The following RAB6B variants were observed in gnomAD, a reference collection of about 807,000 sequenced individuals.
The protein encoded by RAB6B is ras-related protein Rab-6B.
In RAB6B, 7 loss-of-function variants were observed where a neutral mutation model predicts 31.2. The observed-to-expected ratio is 0.22, with a 90% CI of 0.13 to 0.42. The LOEUF (loss-of-function observed/expected upper bound fraction) is 0.42. Among genes scored for constraint, RAB6B ranks in the 10% least tolerant of loss-of-function variants. RAB6B has a pLI of 1.00. For synonymous variants in RAB6B, 105 were observed against 104.9 expected (o/e 1.00, Z -0.01); for missense variants, 149 against 280.6 (o/e 0.53, Z 3.35).
chr3:133,871,196 C>T (rs1428305184), intron 1 of RAB6B, among the ~76,000 whole-genome samples: 1 of 152,246 alleles, frequency 6.6e-6, no homozygotes, highest in Non-Finnish European at 1.5e-5. Flanking sequence ...AGCAGATGCA[C>T]CTCTGGCCTC....
intron 3 of RAB6B, 66 bp downstream of exon 3, chr3:133,841,544 G>A (rs752840870): frequency 9.5e-6 from 15 of 1,580,326 alleles, no homozygotes; most frequent in Non-Finnish European, 1.3e-5. Context: ...GCCCAGCTAA[G>A]GGTCCTAGGG....
chr3:133,840,806 C>T (rs1018962654), intron 4 of RAB6B, among the ~76,000 whole-genome samples: 1 of 152,088 alleles, frequency 6.6e-6, no homozygotes, highest in Non-Finnish European at 1.5e-5. Context: ...GAAGGGTTAC[C>T]AGCCTACTGC....
At chr3:133,872,392 A>G (rs892468075) in intron 1 of RAB6B, among the ~76,000 whole-genome samples, 2 of 152,262 alleles carry the variant, frequency 1.3e-5, no homozygotes, top group African/African-American at 4.8e-5. Context: ...CCTTGGGGTG[A>G]GGCCTGCACC....
chr3:133,833,261 G>A (rs769678695), intron 7 of RAB6B, among the ~76,000 whole-genome samples: 1 of 152,152 alleles, frequency 6.6e-6, no homozygotes, highest in Non-Finnish European at 1.5e-5. Flanking sequence ...GCCGTGGGGT[G>A]CCCTAGTTTA....
intron 2 of RAB6B, among the ~76,000 whole-genome samples, chr3:133,846,089 T>C (rs1935904867): frequency 6.6e-6 from 1 of 151,544 alleles, no homozygotes; most frequent in Admixed American, 6.6e-5. Context: ...GAGAGAAAAA[T>C]GATGGAATAA....
chr3:133,854,381 G>GTC (rs1936045866), intron 2 of RAB6B, among the ~76,000 whole-genome samples: 2 of 152,174 alleles, frequency 1.3e-5, no homozygotes, highest in African/African-American at 4.8e-5. Context: ...GTAAACGCAG[G>GTC]ATATCAACAC....
rs1935832228 is a variant in RAB6B at position 133,841,613 on chromosome 3, G to A, written c.180C>T (p.Arg60=). The part of the protein sequence containing the change: ...FLSKTMYLED[R]TVRLQLWDTA... The stretch of plus-strand genomic sequence containing the variant: ...AGTCCTGATATTAGGTGCTCACCGT[G>A]CGGTCCTCCAAGTACATGGTTTTTG... The change falls in exon 3 of 8, where the codon CGC becomes CGT. Residue 60 remains arginine (R), a synonymous_variant. Coordinates refer to ENST00000285208, the MANE Select transcript of RAB6B (RefSeq NM_016577.4). The A allele has an allele frequency of 1.9e-6, 3 of 1,613,508 alleles. No individual in the cohort carries two copies. Among genetic ancestry groups the A allele is most frequent in the Admixed American group, 1.7e-5 (1 of 59,948 alleles).
chr3:133,870,931 G>A (rs1458603257), intron 1 of RAB6B, among the ~76,000 whole-genome samples: 2 of 152,244 alleles, frequency 1.3e-5, no homozygotes, highest in Admixed American at 6.5e-5. Context: ...GGGTGCACTG[G>A]ATGCTGGCCC....
rs1576414237 is a variant in RAB6B, at chr3:133,895,669, G to A, written c.-203C>T. On this transcript the variant is annotated 5_prime_UTR_variant, in exon 1 of 8. Transcript: ENST00000285208. ...GGCGGCGGAGGAGGAGGAGGAGAGA[G>A]AGGCGGAGGCGGAGGAAGGCTGGGG... is the stretch of plus-strand genomic sequence containing the variant. The A allele has an allele frequency of 5.1e-6, 3 of 594,028 alleles. No individual in the cohort carries two copies. Among genetic ancestry groups the A allele is most frequent in the East Asian group, 6.0e-5 (2 of 33,474 alleles). The allele number at this position is 594,028 out of a possible 1,614,324, so 36.8% of individuals were successfully genotyped here. A position where few individuals can be genotyped will look rare whatever the true frequency, so the allele number is the denominator to read the frequency against.
intron 2 of RAB6B, among the ~76,000 whole-genome samples, chr3:133,852,428 T>C (rs1353079562): frequency 6.6e-6 from 1 of 152,104 alleles, no homozygotes; most frequent in Non-Finnish European, 1.5e-5. Context: ...CCATTACATA[T>C]ACCTCTTTGT....
intron 1 of RAB6B, among the ~76,000 whole-genome samples, chr3:133,892,380 A>T (rs1437758077): frequency 1.3e-5 from 2 of 152,098 alleles, no homozygotes; most frequent in Non-Finnish European, 2.9e-5. Flanking sequence ...AGCTGCCAGG[A>T]GGGGGGCTCT....
chr3:133,835,317 G>A (rs766889393), intron 6 of RAB6B, among the ~76,000 whole-genome samples: 1 of 152,096 alleles, frequency 6.6e-6, no homozygotes, highest in Non-Finnish European at 1.5e-5. Context: ...GTGTGGGTAG[G>A]TGCATGTATG....
At chr3:133,867,087 T>C (rs1200049471) in intron 1 of RAB6B, among the ~76,000 whole-genome samples, 1 of 152,164 alleles carries the variant, frequency 6.6e-6, no homozygotes, top group African/African-American at 2.4e-5. Flanking sequence ...TGCAACACCT[T>C]CTAATGCCAA....
At chr3:133,835,198 G>C (rs1195117727) in intron 6 of RAB6B, among the ~76,000 whole-genome samples, 1 of 152,192 alleles carries the variant, frequency 6.6e-6, no homozygotes, top group African/African-American at 2.4e-5. Flanking sequence ...TTGTGGGCTT[G>C]TTTGGATGTG....
chr3:133,845,460 C>T (rs1471676200), intron 2 of RAB6B, among the ~76,000 whole-genome samples: 2 of 152,194 alleles, frequency 1.3e-5, no homozygotes, highest in South Asian at 2.1e-4. Context: ...TCACCAGATG[C>T]GGAATCTGCT....
At chr3:133,861,596 C>T (rs1427719446) in intron 2 of RAB6B, among the ~76,000 whole-genome samples, 2 of 152,216 alleles carry the variant, frequency 1.3e-5, no homozygotes, top group African/African-American at 2.4e-5. Context: ...GTTAAACGCC[C>T]CCTCCCTGTC....
chr3:133,864,347 ACTCT>A (rs1196147405), intron 2 of RAB6B, among the ~76,000 whole-genome samples: 4 of 151,684 alleles, frequency 2.6e-5, no homozygotes, highest in African/African-American at 9.7e-5. Flanking sequence ...GAGAACACAG[ACTCT>A]CTCTATTTTT....
At chr3:133,864,698 T>G in intron 1 of RAB6B, 56 bp from the exon 2 acceptor site, 3 of 1,468,838 alleles carry the variant, frequency 2.0e-6, no homozygotes. Flanking sequence ...TAGGCTCTTC[T>G]AAACACACTG....
intron 2 of RAB6B, among the ~76,000 whole-genome samples, chr3:133,860,655 G>A (rs757105639): frequency 5.0e-4 from 76 of 152,308 alleles, no homozygotes; most frequent in Non-Finnish European, 9.6e-4. Flanking sequence ...AGGGCAAGGA[G>A]GCAGCCACTC....
Sources: allele counts gnomAD v4.1 joint callset (sites outside exome capture counted in the v4.1 genomes callset), GRCh38; gene constraint gnomAD v4.1.1; transcripts MANE v1.5; gene names NCBI Gene and HGNC (gene_info 2026-07-23, HGNC 2026-07-21).